TMEM119: variants seen among roughly 807,000 people sequenced by gnomAD.
TMEM119 encodes the protein transmembrane protein 119, also known as osteoblast induction factor.
For missense variants in TMEM119, 410 were observed against 381.0 expected, an observed-to-expected ratio of 1.08 and a Z score of -0.63; for synonymous variants, 182 against 176.4, an observed-to-expected ratio of 1.03 and a Z score of -0.25.
At chr12:108,595,021 C>T (rs566429060) in intron 1 of TMEM119, among the ~76,000 whole-genome samples, 115 of 152,222 alleles carry the variant, frequency 7.6e-4, no homozygotes, top group Middle Eastern at 3.4e-3. Context: ...TTTAATCCTA[C>T]AGGAGCCCTG....
Position 108,592,286 on chromosome 12 carries a change from G to C in TMEM119, c.98C>G (p.Thr33Arg). ...TDARSVPLKA[T>R]FLEDVAGSGE... Reference sequence around the variant, plus strand: ...ACTACCCGCCACATCCTCCAGGAACGTGGCCTTCAGGGGCACAGAGCGGGC... The same window carrying C: ...ACTACCCGCCACATCCTCCAGGAACCTGGCCTTCAGGGGCACAGAGCGGGC... Residue 33 changes from threonine to arginine, a missense_variant, in exon 2 of 2, where the codon ACG (threonine) becomes AGG (arginine). Transcript: ENST00000392806. The surrounding 1 kb of genome is among the most constrained non-coding windows in gnomAD (Gnocchi z 4.3). 1 of 1,609,460 alleles carries C rather than the reference G, an allele frequency of 6.2e-7. No homozygotes were observed. Among genetic ancestry groups the C allele is most frequent in the Non-Finnish European group, 8.5e-7 (1 of 1,179,016 alleles).
chr12:108,596,028 G>T (rs1368759006), intron 1 of TMEM119, among the ~76,000 whole-genome samples: 2 of 152,198 alleles, frequency 1.3e-5, no homozygotes, highest in African/African-American at 4.8e-5. Context: ...GCTCCTGTGG[G>T]CCTCACTTTC....
Position 108,591,744 on chromosome 12 carries a change from C to T in TMEM119, c.640G>A (p.Glu214Lys), listed in dbSNP as rs868527683. The T allele has an allele frequency of 6.2e-7, 1 of 1,603,706 alleles. No homozygotes were observed. The highest frequency in any genetic ancestry group is 8.5e-7 in the Non-Finnish European group (1 of 1,174,386). ...TGTCCCTGGACTTCCTGGTCCCCCT[C>T]CTGGCTGCCCTTCTCCTCTTCCTCT... ...GAEEEEKGSQ[E>K]GDQEVQGHGV... Residue 214 changes from glutamate (E) to lysine (K), a missense_variant, in exon 2 of 2, where the codon GAG becomes AAG. Physicochemically the swap from Glu to Lys is moderately conservative, Grantham distance 56. Coordinates refer to ENST00000392806, the MANE Select transcript of TMEM119 (RefSeq NM_181724.3). The surrounding 1 kb of genome is among the most constrained non-coding windows in gnomAD (Gnocchi z 4.2).
Position 108,592,470 on chromosome 12 carries a change from GC to G in TMEM119, c.-14-74del. On this transcript the variant is annotated intron_variant, in intron 1 of 1. Transcript: ENST00000392806. The surrounding 1 kb of genome is among the most constrained non-coding windows in gnomAD (Gnocchi z 4.3). ...TCAGGATTCAGAAACAGGCTCACCA[GC>G]CCCCAGGAGGAACAGGGAGCATGAA... The G allele has an allele frequency of 2.8e-6, 4 of 1,441,812 alleles. No homozygotes were observed. Among genetic ancestry groups the G allele is most frequent in the Admixed American group, 5.0e-5 (2 of 39,978 alleles). The allele number at this position is 1,441,812 out of a possible 1,614,324, so 89.3% of individuals were successfully genotyped here.
Position 108,593,921 on chromosome 12 carries a change from G to A in TMEM119, c.-14-1524C>T, listed in dbSNP as rs143092782. The stretch of plus-strand genomic sequence containing the variant: ...AGCAGAGGGCTCAGGTCCCGGAAGC[G>A]GGCTTGGGTCTAGAAGCTTCAACAC... On this transcript the variant is annotated intron_variant, in intron 1 of 1. Transcript: ENST00000392806. Among the ~76,000 whole-genome samples, 1,082 of 152,344 alleles carry A rather than the reference G, an allele frequency of 7.1e-3. 10 individuals carry two copies. Among genetic ancestry groups the A allele is most frequent in the African/African-American group, 0.025 (1,024 of 41,582 alleles).
Position 108,592,418 on chromosome 12 carries a change from G to A in TMEM119, c.-14-21C>T, listed in dbSNP as rs1376451134. ...AGGACCTGTGAGACAGGAGGGAGGA[G>A]AGAAGTCATGGCGGAACTCTAGAGT... On this transcript the variant is annotated intron_variant, in intron 1 of 1. Coordinates refer to ENST00000392806, the MANE Select transcript of TMEM119 (RefSeq NM_181724.3). This position sits in a 1 kb window ranked among gnomAD's most constrained non-coding sequence, Gnocchi z 4.3. The A allele has an allele frequency of 2.0e-6, 3 of 1,525,078 alleles. No individual in the cohort carries two copies. The highest frequency in any genetic ancestry group is 2.6e-6 in the Non-Finnish European group (3 of 1,143,060). The allele number at this position is 1,525,078 out of a possible 1,614,324, so 94.5% of individuals were successfully genotyped here.
intron 1 of TMEM119, among the ~76,000 whole-genome samples, chr12:108,595,254 C>G (rs556339809): frequency 6.6e-6 from 1 of 151,146 alleles, no homozygotes; most frequent in Non-Finnish European, 1.5e-5. Context: ...CATTCATACA[C>G]GCCACACACT....
chr12:108,597,273 GA>G (rs1441547780), intron 1 of TMEM119, among the ~76,000 whole-genome samples: 1 of 152,112 alleles, frequency 6.6e-6, no homozygotes, highest in African/African-American at 2.4e-5. Context: ...CCCCCACCCA[GA>G]GACTGGTGGC....
At position 108,591,843 on chromosome 12, in the gene TMEM119, G is replaced by A. The variant is rs1237636126; in HGVS notation, c.541C>T (p.Gln181Ter). The change falls in exon 2 of 2, where the codon CAG (glutamine) becomes TAG (stop). Residue 181 changes from glutamine (Q) to a stop codon, truncating the protein, a stop_gained. Coordinates refer to ENST00000392806, the MANE Select transcript of TMEM119 (RefSeq NM_181724.3). LOFTEE classifies it low-confidence loss of function (END_TRUNC). This position sits in a 1 kb window ranked among gnomAD's most constrained non-coding sequence, Gnocchi z 4.2. ...QLQADILAAT[Q>*]NLKSPTRAAL... The stretch of plus-strand genomic sequence containing the variant: ...GCCCTGGTGGGGGACTTGAGGTTCT[G>A]GGTGGCGGCCAAGATGTCGGCCTGG... 6.9e-6 allele frequency: 11 copies of A among 1,603,442 alleles called. No individual in the cohort carries two copies. The East Asian group carries it at 2.5e-4, about 36-fold the overall frequency.
intron 1 of TMEM119, among the ~76,000 whole-genome samples, chr12:108,597,626 CT>C (rs1297934980): frequency 6.6e-5 from 10 of 152,158 alleles, no homozygotes; most frequent in Non-Finnish European, 8.8e-5. Flanking sequence ...ACACAACCCC[CT>C]GACACACAGC....
chr12:108,591,406 G>T lies in TMEM119; in HGVS notation c.*126C>A. 8.9e-7 allele frequency: 1 copy of T among 1,122,206 alleles called. No individual in the cohort carries two copies. Among genetic ancestry groups the T allele is most frequent in the Non-Finnish European group, 1.3e-6 (1 of 797,132 alleles). The allele number at this position is 1,122,206 out of a possible 1,614,324, so 69.5% of individuals were successfully genotyped here. ...CCTGCTGTAGAATCAGCACATGCTG[G>T]GATTGGCACCACAGGGAGGCCAAGG... On this transcript the variant is annotated 3_prime_UTR_variant, in exon 2 of 2. Coordinates refer to ENST00000392806, the MANE Select transcript of TMEM119 (RefSeq NM_181724.3). This position sits in a 1 kb window ranked among gnomAD's most constrained non-coding sequence, Gnocchi z 4.2.
chr12:108,593,650 C>G (rs1035741450), intron 1 of TMEM119, among the ~76,000 whole-genome samples: 46 of 152,190 alleles, frequency 3.0e-4, no homozygotes, highest in African/African-American at 1.1e-3. Context: ...GCCCCGCCCC[C>G]ACTAGATGGG....
chr12:108,592,380 C>A lies in TMEM119; in HGVS notation c.4G>T (p.Val2Phe). 6.4e-7 allele frequency: 1 copy of A among 1,552,216 alleles called. No individual in the cohort carries two copies. Among genetic ancestry groups the A allele is most frequent in the Non-Finnish European group, 8.7e-7 (1 of 1,155,892 alleles). Residue 2 changes from valine (V) to phenylalanine (F), a missense_variant, in exon 2 of 2, where the codon GTT becomes TTT. Coordinates refer to ENST00000392806, the MANE Select transcript of TMEM119 (RefSeq NM_181724.3). This position sits in a 1 kb window ranked among gnomAD's most constrained non-coding sequence, Gnocchi z 4.3. ...AGGAGGCTGGGGGCTGCCGCCGAAA[C>A]CATGGTGCCCCCAGGACCTGTGAGA... is the stretch of plus-strand genomic sequence containing the variant. M[V>F]SAAAPSLLIL...
chr12:108,596,330 T>C (rs958216892), intron 1 of TMEM119, among the ~76,000 whole-genome samples: 51 of 152,122 alleles, frequency 3.4e-4, no homozygotes, highest in African/African-American at 1.2e-3. Context: ...GAAACCTCTT[T>C]AGCTCTGGCC....
rs139382005 is a variant in TMEM119, at chr12:108,592,189, T to C, written c.195A>G (p.Thr65=). The change falls in exon 2 of 2, where the codon ACA becomes ACG. Residue 65 remains threonine (T), a synonymous_variant. Coordinates refer to ENST00000392806, the MANE Select transcript of TMEM119 (RefSeq NM_181724.3). The surrounding 1 kb of genome is among the most constrained non-coding windows in gnomAD (Gnocchi z 4.3). ...GGGTTATGGGCTGGGGCCCCATCGA[T>C]GTGGGGCTGAGGGCCGGGGTCCAGG... ...PPPWTPALSP[T]SMGPQPITLG... is the part of the protein sequence containing the mutation. 9 of 1,613,440 alleles carry C rather than the reference T, an allele frequency of 5.6e-6. No homozygotes were observed. The highest frequency in any genetic ancestry group is 1.6e-4 in the Middle Eastern group (1 of 6,082).
chr12:108,595,961 C>T (rs1322686118), intron 1 of TMEM119, among the ~76,000 whole-genome samples: 1 of 152,216 alleles, frequency 6.6e-6, no homozygotes, highest in African/African-American at 2.4e-5. Context: ...TGGAGACCCA[C>T]TCAAGTTCTG....
rs1184790563 is a variant in TMEM119, at chr12:108,590,499, C to G, written c.*1033G>C. On this transcript the variant is annotated 3_prime_UTR_variant, in exon 2 of 2. Transcript: ENST00000392806. ...TCACCTGAAGGTCAGGAGTTCCAGA[C>G]CAGCCTGGCCAACATGGTGAAGCCC... The G allele has an allele frequency of 6.6e-6, 1 of 152,114 alleles. No homozygotes were observed. Among genetic ancestry groups the G allele is most frequent in the Non-Finnish European group, 1.5e-5 (1 of 68,050 alleles). The allele number at this position is 152,114 out of a possible 1,614,324, so 9.4% of individuals were successfully genotyped here.
rs2031417386 is a variant in TMEM119 at position 108,592,099 on chromosome 12, C to T, written c.285G>A (p.Val95=). The T allele has an allele frequency of 1.2e-6, 2 of 1,614,206 alleles. No homozygotes were observed. Among genetic ancestry groups the T allele is most frequent in the Non-Finnish European group, 1.7e-6 (2 of 1,180,026 alleles). Residue 95 remains valine (V), a synonymous_variant, in exon 2 of 2, where the codon GTG becomes GTA. Coordinates refer to ENST00000392806, the MANE Select transcript of TMEM119 (RefSeq NM_181724.3). This position sits in a 1 kb window ranked among gnomAD's most constrained non-coding sequence, Gnocchi z 4.3. ...DGIVDFFRQY[V]MLIAVVGSLA... ...GGGAGCCCACCACAGCAATCAGCAT[C>T]ACGTACTGGCGGAAGAAGTCCACTA...
rs989194963 is a variant in TMEM119 at position 108,592,304 on chromosome 12, G to C, written c.80C>G (p.Ser27Cys). 1.9e-6 allele frequency: 3 copies of C among 1,605,354 alleles called. No homozygotes were observed. The African/African-American group carries it at 4.0e-5, about 21-fold the overall frequency. ...LGSVPATDARSVPLKATFLED... is the reference protein window; with the variant it reads ...LGSVPATDARCVPLKATFLED... ...CAGGAACGTGGCCTTCAGGGGCACA[G>C]AGCGGGCGTCGGTAGCAGGCACAGA... The change falls in exon 2 of 2, where the codon TCT becomes TGT. Residue 27 changes from serine (S) to cysteine (C), a missense_variant. Transcript: ENST00000392806. The surrounding 1 kb of genome is among the most constrained non-coding windows in gnomAD (Gnocchi z 4.3).
Sources: allele counts gnomAD v4.1 joint callset (sites outside exome capture counted in the v4.1 genomes callset), GRCh38; gene constraint gnomAD v4.1.1; non-coding constraint Gnocchi (gnomAD v3.1); transcripts MANE v1.5; gene names NCBI Gene and HGNC (gene_info 2026-07-23, HGNC 2026-07-21).